Variants in CLUH observed in about 807,000 individuals in gnomAD.
The protein encoded by CLUH is CLUH binding protein of NUMT mRNA, also known as clustered mitochondria protein homolog.
In CLUH, 77 loss-of-function variants were observed where a neutral mutation model predicts 139.3. That is an observed-to-expected ratio of 0.55 (90% CI 0.46 to 0.67). CLUH has a LOEUF of 0.67. Among genes scored for constraint, CLUH ranks in the 30% least tolerant of loss-of-function variants. The pLI is 0.00. For synonymous variants in CLUH, 999 were observed against 801.6 expected, an observed-to-expected ratio of 1.25 and a Z score of -4.16; for missense variants, 1,876 against 1,875.8, an observed-to-expected ratio of 1.00 and a Z score of 0.00.
chr17:2,711,168 G>C (rs927259075), intron 1 of CLUH: 3 of 152,382 alleles, frequency 2.0e-5, no homozygotes, highest in Admixed American at 2.0e-4. Context: ...GGTGCCGAAG[G>C]GGGCTGTCCC....
chr17:2,711,165 A>C lies in CLUH; in HGVS notation c.100+397T>G, dbSNP rs565364835. The C allele has an allele frequency of 3.3e-5, 5 of 152,352 alleles. No homozygotes were observed. In the South Asian group the frequency reaches 1.0e-3, roughly 32 times the overall value. 9.4% of individuals were successfully genotyped at this position (152,352 alleles called of 1,614,324 possible). Reference sequence around the variant, plus strand: ...GGAGGCCGCCGCGGAGCAGGTGCCGAAGGGGGCTGTCCCGCAAACGTCGGA... The same window carrying C: ...GGAGGCCGCCGCGGAGCAGGTGCCGCAGGGGGCTGTCCCGCAAACGTCGGA... On this transcript the variant is annotated intron_variant, in intron 1 of 25. Coordinates refer to ENST00000651024, the MANE Select transcript of CLUH (RefSeq NM_001366661.1).
intron 1 of CLUH, among the ~76,000 whole-genome samples, chr17:2,708,871 GA>G (rs140078655): frequency 0.75 from 99,448 of 131,866 alleles, 37,573 homozygotes; most frequent in South Asian, 0.87. Flanking sequence ...GGGGGGGGGG[GA>G]GCAGAACTAT....
At position 2,701,649 on chromosome 17, in the gene CLUH, T is replaced by C; in HGVS notation, c.708A>G (p.Pro236=). The C allele has an allele frequency of 6.2e-7, 1 of 1,604,998 alleles. No individual in the cohort carries two copies. Among genetic ancestry groups the C allele is most frequent in the South Asian group, 1.1e-5 (1 of 89,622 alleles). ...EYILPGSRER[P]LCPLQPQNRD... is the part of the protein sequence containing the mutation. ...GGTTTTGGGGCTGCAGGGGACACAG[T>C]GGCCGCTCCCGGCTCCCTGGCAGGA... The change falls in exon 5 of 26, where the codon CCA becomes CCG. Residue 236 remains proline, a synonymous_variant. Transcript: ENST00000651024.
rs917256320 is a variant in CLUH, at chr17:2,703,958, C to T, written c.303+404G>A. On this transcript the variant is annotated intron_variant, in intron 2 of 25. Coordinates refer to ENST00000651024, the MANE Select transcript of CLUH (RefSeq NM_001366661.1). The surrounding 1 kb of genome is among the most constrained non-coding windows in gnomAD (Gnocchi z 4.2). ...CGTTCCCCACTGAGTCACCGGCTTG[C>T]AAGACCTCCACGCTGGCTCTGCCCT... 1.3e-5 allele frequency among the ~76,000 whole-genome samples: 2 copies of T among 152,218 alleles called. No individual in the cohort carries two copies. The highest frequency in any genetic ancestry group is 2.9e-5 in the Non-Finnish European group (2 of 68,042).
chr17:2,701,860 ACCTCCGTGCTCCCCG>A (rs1433457122), intron 4 of CLUH, 39 bp downstream of exon 4: 10 of 1,605,878 alleles, frequency 6.2e-6, no homozygotes, highest in Non-Finnish European at 8.5e-6. Context: ...CCAGCCCCCC[ACCTCCGTGCTCCCCG>A]CCCTTTGGCC....
rs538619046 is a variant in CLUH, at chr17:2,707,691, G to A, written c.101-3127C>T. ...CATCCCAGTGGGGGTGAACAGGACC[G>A]CTTCTGCCAGCTGCCGCCAACAGCT... On this transcript the variant is annotated intron_variant, in intron 1 of 25. Transcript: ENST00000651024. This position sits in a 1 kb window ranked among gnomAD's most constrained non-coding sequence, Gnocchi z 7.4. 6 of 985,368 alleles carry A rather than the reference G, an allele frequency of 6.1e-6. No homozygotes were observed. Among genetic ancestry groups the A allele is most frequent in the African/African-American group, 5.2e-5 (3 of 57,338 alleles). 61.0% of individuals were successfully genotyped at this position (985,368 alleles called of 1,614,324 possible). A position where few individuals can be genotyped will look rare whatever the true frequency, so the allele number is the denominator to read the frequency against.
chr17:2,701,340 G>C (rs1444035078), intron 6 of CLUH, 26 bp downstream of exon 6: 1 of 1,606,066 alleles, frequency 6.2e-7, no homozygotes, highest in Admixed American at 1.7e-5. Flanking sequence ...ACGGCAGGGG[G>C]GTGTGGTGGG....
At chr17:2,691,046 G>T (rs888354229) in intron 25 of CLUH, among the ~76,000 whole-genome samples, 2 of 151,992 alleles carry the variant, frequency 1.3e-5, no homozygotes, top group South Asian at 2.1e-4. Flanking sequence ...GGGGGCTGCT[G>T]CCACGCCTTG....
chr17:2,698,744 G>A lies in CLUH; in HGVS notation c.1267-154C>T, dbSNP rs76387192. ...TCAGTTTCCTCATATGTAGAAAAGG[G>A]CAAGAAAACCATGTTTTGGCCGGGC... is the stretch of plus-strand genomic sequence containing the variant. On this transcript the variant is annotated intron_variant, in intron 9 of 25. Coordinates refer to ENST00000651024, the MANE Select transcript of CLUH (RefSeq NM_001366661.1). Among the ~76,000 whole-genome samples the A allele has an allele frequency of 4.5e-3, 692 of 152,130 alleles. 5 individuals carry two copies. The highest frequency in any genetic ancestry group is 0.016 in the African/African-American group (658 of 41,504).
At chr17:2,695,752 G>C (rs1417120744) in intron 13 of CLUH, 2 of 630,560 alleles carry the variant, frequency 3.2e-6, no homozygotes, top group East Asian at 5.6e-5. Context: ...GAGAAGCAGA[G>C]GTGCCCGCTT....
In CLUH at chr17:2,707,647, G is replaced by A. The variant is rs189760697; in HGVS notation, c.101-3083C>T. 40 of 985,406 alleles carry A rather than the reference G, an allele frequency of 4.1e-5. No homozygotes were observed. The East Asian group carries it at 3.6e-3, about 90-fold the overall frequency. 61.0% of individuals were successfully genotyped at this position (985,406 alleles called of 1,614,324 possible). A position where few individuals can be genotyped will look rare whatever the true frequency, so the allele number is the denominator to read the frequency against. On this transcript the variant is annotated intron_variant, in intron 1 of 25. Coordinates refer to ENST00000651024, the MANE Select transcript of CLUH (RefSeq NM_001366661.1). This position sits in a 1 kb window ranked among gnomAD's most constrained non-coding sequence, Gnocchi z 7.4. ...CTGGCAGGGGCAGGGCCCAGCAAGG[G>A]GGTCCTCTCCTCCGCTCCCATCCCA... is the stretch of plus-strand genomic sequence containing the variant.
In CLUH at chr17:2,701,348, G is replaced by A. The variant is rs1345331367; in HGVS notation, c.899+18C>T. The A allele has an allele frequency of 6.2e-7, 1 of 1,605,032 alleles. No individual in the cohort carries two copies. The highest frequency in any genetic ancestry group is 2.3e-5 in the East Asian group (1 of 44,410). On this transcript the variant is annotated intron_variant, in intron 6 of 25. Coordinates refer to ENST00000651024, the MANE Select transcript of CLUH (RefSeq NM_001366661.1). ...GGCTGGCACGGCAGGGGGGTGTGGT[G>A]GGCTGGCAGGGACTCACTGATTCAG...
At chr17:2,694,822 T>TTCCCCCCCCCC in intron 16 of CLUH, 35 bp downstream of exon 16, 2 of 1,346,338 alleles carry the variant, frequency 1.5e-6, no homozygotes, top group East Asian at 2.6e-5. Context: ...ATCTGCCCAA[T>TTCCCCCCCCCC]CCCACCCACC....
At chr17:2,709,286 T>A (rs1027576192) in intron 1 of CLUH, among the ~76,000 whole-genome samples, 6 of 152,100 alleles carry the variant, frequency 3.9e-5, no homozygotes, top group Non-Finnish European at 8.8e-5. Flanking sequence ...GCATCACCCG[T>A]CCCGGGAGCC....
intron 7 of CLUH, 143 bp from the exon 8 acceptor site, chr17:2,700,968 C>A: frequency 7.0e-7 from 1 of 1,425,610 alleles, no homozygotes; most frequent in Non-Finnish European, 9.4e-7. Flanking sequence ...TGCACGGGCG[C>A]CTCTCCTGCG....
chr17:2,711,677 C>G lies in CLUH; in HGVS notation c.-16G>C. 1.0e-6 allele frequency: 1 copy of G among 975,132 alleles called. No individual in the cohort carries two copies. The highest frequency in any genetic ancestry group is 1.2e-6 in the Non-Finnish European group (1 of 820,764). The allele number at this position is 975,132 out of a possible 1,614,324, so 60.4% of individuals were successfully genotyped here. ...TGATAACCATGGTGGCGGGAGCGGG[C>G]GTCCGCCTCGGCTGTCCGCGCCGCC... On this transcript the variant is annotated 5_prime_UTR_variant, in exon 1 of 26. Transcript: ENST00000651024.
intron 6 of CLUH, 28 bp from the exon 7 acceptor site, chr17:2,701,293 G>A (rs1180655699): frequency 6.2e-7 from 1 of 1,608,514 alleles, no homozygotes; most frequent in Non-Finnish European, 8.5e-7. Flanking sequence ...GCACTGAGCG[G>A]GGGCCCAGGT....
intron 3 of CLUH, among the ~76,000 whole-genome samples, chr17:2,702,505 TG>T (rs1409498968): frequency 6.6e-6 from 1 of 152,196 alleles, no homozygotes; most frequent in Non-Finnish European, 1.5e-5. Context: ...TGTGGTTTCA[TG>T]GGATTTTAAT....
chr17:2,702,284 A>G (rs1396967321), intron 3 of CLUH, among the ~76,000 whole-genome samples: 1 of 152,238 alleles, frequency 6.6e-6, no homozygotes, highest in African/African-American at 2.4e-5. Context: ...ATCTTTGTTT[A>G]TAAAGAACTT....
Sources: allele counts gnomAD v4.1 joint callset (sites outside exome capture counted in the v4.1 genomes callset), GRCh38; gene constraint gnomAD v4.1.1; non-coding constraint Gnocchi (gnomAD v3.1); transcripts MANE v1.5; gene names NCBI Gene and HGNC (gene_info 2026-07-23, HGNC 2026-07-21).